SEPTIN7: variants seen among roughly 807,000 people sequenced by gnomAD.
SEPTIN7 encodes septin-7.
A neutral mutation model predicts 63.3 loss-of-function variants in SEPTIN7; 10 were observed. The observed-to-expected ratio is 0.16, with a 90% CI of 0.10 to 0.27. SEPTIN7 has a LOEUF of 0.27. SEPTIN7 is among the 10% of genes least tolerant of loss of function. The pLI, the probability that SEPTIN7 is intolerant of heterozygous loss-of-function variation, is 1.00. For synonymous variants in SEPTIN7, 131 were observed against 165.3 expected (o/e 0.79, Z 1.59); for missense variants, 310 against 521.0 (o/e 0.59, Z 3.94).
intron 1 of SEPTIN7, among the ~76,000 whole-genome samples, chr7:35,830,320 C>G (rs1031655909): frequency 6.6e-6 from 1 of 152,034 alleles, no homozygotes; most frequent in African/African-American, 2.4e-5. Flanking sequence ...GGAAGTGTAG[C>G]AGGAGATGAG....
At chr7:35,869,489 C>G (rs1462800531) in intron 4 of SEPTIN7, among the ~76,000 whole-genome samples, 3 of 152,160 alleles carry the variant, frequency 2.0e-5, no homozygotes, top group Non-Finnish European at 4.4e-5. Flanking sequence ...GTAATGCTAC[C>G]TCTTGAGCAA....
chr7:35,850,586 A>G (rs1197359319), intron 3 of SEPTIN7, among the ~76,000 whole-genome samples: 1 of 152,218 alleles, frequency 6.6e-6, no homozygotes, highest in African/African-American at 2.4e-5. Flanking sequence ...TATCCCAGAA[A>G]GTTGAAATGC....
intron 1 of SEPTIN7, among the ~76,000 whole-genome samples, chr7:35,807,612 C>G (rs1347759826): frequency 4.6e-5 from 7 of 151,994 alleles, no homozygotes; most frequent in Non-Finnish European, 8.8e-5. Flanking sequence ...ATCCGCCCGT[C>G]TTGGCCTCCC....
At chr7:35,909,798 G>A (rs1174032121), downstream of SEPTIN7, among the ~76,000 whole-genome samples, 1 of 152,190 alleles carries the variant, frequency 6.6e-6, no homozygotes, top group Admixed American at 6.5e-5. Context: ...GTTATCCATT[G>A]TTCCACAATA....
chr7:35,843,971 T>G (rs1784534138), intron 3 of SEPTIN7, among the ~76,000 whole-genome samples: 1 of 152,264 alleles, frequency 6.6e-6, no homozygotes, highest in South Asian at 2.1e-4. Context: ...AGGCTATAAA[T>G]TGTTTATTAT....
intron 4 of SEPTIN7, among the ~76,000 whole-genome samples, chr7:35,865,204 AT>A (rs1785741011): frequency 6.6e-6 from 1 of 152,144 alleles, no homozygotes; most frequent in Non-Finnish European, 1.5e-5. Context: ...GAATACCTTA[AT>A]TTAGGTATTT....
Position 35,878,986 on chromosome 7 carries a change from C to T in SEPTIN7, c.513-837C>T, listed in dbSNP as rs115952163. Among the ~76,000 whole-genome samples, 637 of 152,118 alleles carry T rather than the reference C, an allele frequency of 4.2e-3. 4 individuals are homozygous for T. The highest frequency in any genetic ancestry group is 0.015 in the African/African-American group (625 of 41,494). On this transcript the variant is annotated intron_variant, in intron 6 of 13. Coordinates refer to ENST00000350320, the MANE Select transcript of SEPTIN7 (RefSeq NM_001788.6). ...CTGAATGTAGAGTAAGAAGAGAAAG[C>T]CTGGTAGGGAATTCTAAAGAATGTA... is the stretch of plus-strand genomic sequence containing the variant.
At chr7:35,894,592 GT>G (rs903171341) in intron 11 of SEPTIN7, among the ~76,000 whole-genome samples, 5 of 152,100 alleles carry the variant, frequency 3.3e-5, no homozygotes, top group Non-Finnish European at 7.4e-5. Flanking sequence ...TTTTGTTTAT[GT>G]TTGGTTTTAA....
intron 1 of SEPTIN7, among the ~76,000 whole-genome samples, chr7:35,808,377 T>C (rs10261949): frequency 0.35 from 53,531 of 152,074 alleles, 9,879 homozygotes; most frequent in East Asian, 0.49. Context: ...CCACATGTTT[T>C]TTTCCAATGA....
At chr7:35,889,293 A>G (rs547939069) in intron 10 of SEPTIN7, among the ~76,000 whole-genome samples, 60 of 152,322 alleles carry the variant, frequency 3.9e-4, no homozygotes, top group Non-Finnish European at 6.3e-4. Context: ...CTTCAGAAGT[A>G]ACTATTGTGG....
At chr7:35,874,768 G>T (rs746686684) in intron 6 of SEPTIN7, among the ~76,000 whole-genome samples, 1 of 152,108 alleles carries the variant, frequency 6.6e-6, no homozygotes, top group African/African-American at 2.4e-5. Context: ...CCAGATTGTA[G>T]TGGAGTAAAG....
chr7:35,850,118 C>T (rs958599363), intron 3 of SEPTIN7, among the ~76,000 whole-genome samples: 16 of 152,180 alleles, frequency 1.1e-4, no homozygotes, highest in Non-Finnish European at 2.4e-4. Context: ...CCTAGATATT[C>T]TGGGCTTTGG....
intron 1 of SEPTIN7, among the ~76,000 whole-genome samples, chr7:35,808,584 G>C (rs1243964665): frequency 6.6e-6 from 1 of 152,154 alleles, no homozygotes; most frequent in Non-Finnish European, 1.5e-5. Flanking sequence ...GTGCCAGCAG[G>C]TTTGGCGTCT....
chr7:35,828,457 C>T (rs1018147835), intron 1 of SEPTIN7, among the ~76,000 whole-genome samples: 48 of 152,072 alleles, frequency 3.2e-4, no homozygotes, highest in African/African-American at 1.1e-3. Context: ...CTCACTGCAA[C>T]CTCTGCCTCC....
At chr7:35,896,941 G>T (rs1010045847) in intron 11 of SEPTIN7, among the ~76,000 whole-genome samples, 3 of 152,016 alleles carry the variant, frequency 2.0e-5, no homozygotes, top group Non-Finnish European at 4.4e-5. Flanking sequence ...TGTCCTTTTT[G>T]TTTTGTTTCT....
chr7:35,880,218 C>CTT (rs1396218271), intron 7 of SEPTIN7, among the ~76,000 whole-genome samples: 3 of 91,478 alleles, frequency 3.3e-5, no homozygotes, highest in African/African-American at 1.3e-4. Flanking sequence ...CTTTTTTTTT[C>CTT]TTTTCTTTTT....
At chr7:35,868,607 A>G (rs1562562387) in intron 4 of SEPTIN7, among the ~76,000 whole-genome samples, 1 of 152,100 alleles carries the variant, frequency 6.6e-6, no homozygotes, top group South Asian at 2.1e-4. Context: ...GGTGATGGCT[A>G]TTAAGGAAGG....
intron 13 of SEPTIN7, among the ~76,000 whole-genome samples, chr7:35,903,464 T>A (rs1788439427): frequency 6.6e-6 from 1 of 152,190 alleles, no homozygotes; most frequent in Non-Finnish European, 1.5e-5. Flanking sequence ...CTTCATAACA[T>A]TCTCCCCAGT....
rs1788596220 is a variant in SEPTIN7 at position 35,906,088 on chromosome 7, A to AG, written c.*1798dup. 3 of 152,138 alleles carry AG rather than the reference A, an allele frequency of 2.0e-5. No individual in the cohort carries two copies. The South Asian group carries it at 6.2e-4, about 31-fold the overall frequency. 9.4% of individuals were successfully genotyped at this position (152,138 alleles called of 1,614,324 possible). ...CCTCTAGCCAAAATTGTTTGGTTTTAGGGAGGCTAACAATAACCTACTGAA... is the reference window on the plus strand; with the variant it reads ...CCTCTAGCCAAAATTGTTTGGTTTTAGGGGAGGCTAACAATAACCTACTGAA... On this transcript the variant is annotated 3_prime_UTR_variant, in exon 14 of 14. Transcript: ENST00000350320.
Sources: gnomAD v4.1 joint callset for allele counts (sites outside exome capture counted in the v4.1 genomes callset) on GRCh38, gnomAD v4.1.1 for gene constraint, MANE v1.5 for transcripts, NCBI Gene and HGNC (gene_info 2026-07-23, HGNC 2026-07-21) for gene names.